CALN1: variants seen among roughly 807,000 people sequenced by gnomAD.
The protein encoded by CALN1 is calcium-binding protein 8.
CALN1 carries 17 observed loss-of-function variants against 30.6 expected under a neutral mutation model. The observed-to-expected ratio is 0.56, with a 90% CI of 0.38 to 0.83. The LOEUF (loss-of-function observed/expected upper bound fraction) is 0.83. CALN1 is among the 40% of genes least tolerant of loss of function. The pLI, the probability that CALN1 is intolerant of heterozygous loss-of-function variation, is 0.00. For synonymous variants in CALN1, 156 were observed against 131.4 expected, an observed-to-expected ratio of 1.19 and a Z score of -1.28; for missense variants, 291 against 354.9, an observed-to-expected ratio of 0.82 and a Z score of 1.45.
At chr7:72,053,619 A>G (rs960120610) in intron 4 of CALN1, among the ~76,000 whole-genome samples, 1 of 146,640 alleles carries the variant, frequency 6.8e-6, no homozygotes, top group Non-Finnish European at 1.5e-5. Flanking sequence ...TTCTTTCGCA[A>G]TCTTTATCAA....
intron 2 of CALN1, among the ~76,000 whole-genome samples, chr7:72,314,246 C>A (rs563860972): frequency 6.6e-6 from 1 of 152,210 alleles, no homozygotes; most frequent in East Asian, 1.9e-4. Context: ...TGCTTTCCAG[C>A]ACTTTCCCAG....
chr7:72,248,388 C>G (rs1795329073), intron 3 of CALN1, among the ~76,000 whole-genome samples: 1 of 152,172 alleles, frequency 6.6e-6, no homozygotes, highest in Non-Finnish European at 1.5e-5. Context: ...CATGAACCAC[C>G]ACGCCCGGCC....
intron 4 of CALN1, among the ~76,000 whole-genome samples, chr7:72,048,559 A>G (rs1401661335): frequency 2.6e-5 from 4 of 152,176 alleles, no homozygotes; most frequent in Non-Finnish European, 4.4e-5. Flanking sequence ...TAGACTTCAT[A>G]TACTCCTCTG....
intron 3 of CALN1, among the ~76,000 whole-genome samples, chr7:72,128,984 T>C (rs1346701121): frequency 6.6e-6 from 1 of 152,130 alleles, no homozygotes; most frequent in Non-Finnish European, 1.5e-5. Flanking sequence ...GAGGAGCTAA[T>C]TTCCCTCACA....
chr7:72,474,221 A>G, the CALN1 span, among the ~76,000 whole-genome samples: 1 of 152,296 alleles, frequency 6.6e-6, no homozygotes, highest in African/African-American at 2.4e-5. Flanking sequence ...ACACTCCTCT[A>G]TATTTAAATA....
At chr7:72,269,755 G>A (rs552347619) in intron 3 of CALN1, among the ~76,000 whole-genome samples, 1 of 152,188 alleles carries the variant, frequency 6.6e-6, no homozygotes, top group South Asian at 2.1e-4. Context: ...CTCTAACATA[G>A]GATTCACAAT....
chr7:72,408,901 C>T (rs1806900589), intron 1 of CALN1, among the ~76,000 whole-genome samples: 1 of 151,656 alleles, frequency 6.6e-6, no homozygotes, highest in South Asian at 2.1e-4. Flanking sequence ...TGGTCTCAAA[C>T]TCTTGGGCTC....
At chr7:72,056,029 A>G (rs1431284653) in intron 4 of CALN1, among the ~76,000 whole-genome samples, 2 of 152,208 alleles carry the variant, frequency 1.3e-5, no homozygotes, top group African/African-American at 2.4e-5. Flanking sequence ...CAATTAAAAA[A>G]TAAAAGACAT....
chr7:72,049,145 G>A (rs1802674797), intron 4 of CALN1, among the ~76,000 whole-genome samples: 1 of 152,078 alleles, frequency 6.6e-6, no homozygotes, highest in Non-Finnish European at 1.5e-5. Context: ...TGGGTGGGGG[G>A]AGAACAATTC....
rs1017669558 is a variant in CALN1 at position 72,171,936 on chromosome 7, A to G, written c.245-65642T>C. Among the ~76,000 whole-genome samples, 4 of 152,218 alleles carry G rather than the reference A, an allele frequency of 2.6e-5. No homozygotes were observed. The East Asian group carries it at 7.7e-4, about 29-fold the overall frequency. ...TTTAAAGGCAAAGAAACTGGGGTCC[A>G]GAAAGATCACAGGTCATGTAGCGAT... On this transcript the variant is annotated intron_variant, in intron 3 of 6. Transcript: ENST00000395275.
chr7:71,933,641 C>G (rs1436175395), intron 5 of CALN1, among the ~76,000 whole-genome samples: 1 of 152,172 alleles, frequency 6.6e-6, no homozygotes, highest in Non-Finnish European at 1.5e-5. Flanking sequence ...TCTTACTCAC[C>G]TCTGAATCCT....
intron 4 of CALN1, among the ~76,000 whole-genome samples, chr7:72,036,468 A>G (rs1487444388): frequency 2.0e-5 from 3 of 152,124 alleles, no homozygotes; most frequent in Non-Finnish European, 4.4e-5. Flanking sequence ...CTCCCACAAT[A>G]GGTCAATTGG....
chr7:71,910,417 G>A (rs777762719), intron 5 of CALN1, among the ~76,000 whole-genome samples: 13 of 152,146 alleles, frequency 8.5e-5, no homozygotes, highest in South Asian at 2.1e-4. Context: ...GCCAGAAGGC[G>A]AGGAGATCAG....
intron 2 of CALN1, among the ~76,000 whole-genome samples, chr7:72,372,079 G>T (rs1482580889): frequency 6.6e-6 from 1 of 152,144 alleles, no homozygotes; most frequent in East Asian, 1.9e-4. Flanking sequence ...GAAGGCTCCA[G>T]GAGACACCTC....
At chr7:72,197,418 T>C (rs1791106812) in intron 3 of CALN1, among the ~76,000 whole-genome samples, 1 of 152,066 alleles carries the variant, frequency 6.6e-6, no homozygotes, top group South Asian at 2.1e-4. Context: ...GTCGGGCTGG[T>C]CTCGAACTCC....
chr7:72,220,681 T>A lies in CALN1; in HGVS notation c.244+58005A>T, dbSNP rs572980354. On this transcript the variant is annotated intron_variant, in intron 3 of 6. Coordinates refer to ENST00000395275, the MANE Select transcript of CALN1 (RefSeq NM_031468.4). ...CCAACAGTGTAAAAGTGTTCCTATT[T>A]CTCCACATCCTCTCCAGCACCTGTT... Among the ~76,000 whole-genome samples the A allele has an allele frequency of 2.2e-4, 34 of 152,186 alleles. No individual in the cohort carries two copies. The East Asian group carries it at 6.6e-3, about 29-fold the overall frequency.
At chr7:72,251,516 C>T (rs935535205) in intron 3 of CALN1, among the ~76,000 whole-genome samples, 1 of 152,078 alleles carries the variant, frequency 6.6e-6, no homozygotes, top group African/African-American at 2.4e-5. Context: ...CCTCCCACAT[C>T]AGCCTTCCAA....
chr7:72,246,257 T>C (rs947683744), intron 3 of CALN1, among the ~76,000 whole-genome samples: 3 of 152,192 alleles, frequency 2.0e-5, no homozygotes, highest in Non-Finnish European at 4.4e-5. Context: ...GGTTTCTTTC[T>C]TTGGCAGAGG....
At position 72,259,258 on chromosome 7, in the gene CALN1, ATCACT is replaced by A. The variant is rs149281645; in HGVS notation, c.244+19423_244+19427del. On this transcript the variant is annotated intron_variant, in intron 3 of 6. Coordinates refer to ENST00000395275, the MANE Select transcript of CALN1 (RefSeq NM_031468.4). ...GGTCTTTGGCTGTCTTCTCATTATC[ATCACT>A]TAAGTATAATGAAGACTCCAAAATC... 7.4e-3 allele frequency among the ~76,000 whole-genome samples: 1,121 copies of A among 152,162 alleles called. 9 individuals are homozygous for A. The highest frequency in any genetic ancestry group is 0.023 in the African/African-American group (975 of 41,492).
Sources: allele counts gnomAD v4.1 joint callset (sites outside exome capture counted in the v4.1 genomes callset), GRCh38; gene constraint gnomAD v4.1.1; transcripts MANE v1.5; gene names NCBI Gene and HGNC (gene_info 2026-07-23, HGNC 2026-07-21).